Variants in SLC16A8 observed in about 807,000 individuals in gnomAD.
SLC16A8 encodes monocarboxylate transporter 3.
SLC16A8 carries 20 observed loss-of-function variants against 22.4 expected under a neutral mutation model. That is an observed-to-expected ratio of 0.89 (90% CI 0.63 to 1.30). The LOEUF is 1.30. Among genes scored for constraint, SLC16A8 ranks in the 50% most tolerant of loss-of-function variants. The pLI, the probability that SLC16A8 is intolerant of heterozygous loss-of-function variation, is 0.00. For synonymous variants in SLC16A8, 393 were observed against 358.8 expected (o/e 1.10, Z -1.08); for missense variants, 817 against 740.3 (o/e 1.10, Z -1.20).
At position 38,081,237 on chromosome 22, in the gene SLC16A8, G is replaced by A; in HGVS notation, c.801C>T (p.Leu267=). 6.3e-7 allele frequency: 1 copy of A among 1,582,542 alleles called. No individual in the cohort carries two copies. Among genetic ancestry groups the A allele is most frequent in the Non-Finnish European group, 8.6e-7 (1 of 1,165,086 alleles). Residue 267 remains leucine, a synonymous_variant, in exon 5 of 6, where the codon CTC becomes CTT. Transcript: ENST00000681075. Reference sequence around the variant, plus strand: ...TCACCAGCAGGATGGCGGGGACGAAGAGCCCGAGCGCCATCAGGAACTTGG... The same window carrying A: ...TCACCAGCAGGATGGCGGGGACGAAAAGCCCGAGCGCCATCAGGAACTTGG... ...AVTKFLMALG[L]FVPAILLVNY...
chr22:38,079,278 T>G (rs954812444), intron 5 of SLC16A8, among the ~76,000 whole-genome samples: 6 of 151,412 alleles, frequency 4.0e-5, no homozygotes, highest in Admixed American at 2.6e-4. Context: ...CAGGAAAGTC[T>G]CTCTTTTATT....
chr22:38,078,446 C>T lies in SLC16A8; in HGVS notation c.1457G>A (p.Gly486Asp), dbSNP rs565479077. 64 of 1,610,338 alleles carry T rather than the reference C, an allele frequency of 4.0e-5. No individual in the cohort carries two copies. In the African/African-American group the frequency reaches 7.0e-4, roughly 18 times the overall value. The change falls in exon 6 of 6, where the codon GGC (glycine) becomes GAC (aspartate). Residue 486 changes from glycine (G) to aspartate (D), a missense_variant. Transcript: ENST00000681075. ...LEALEVLSARGEPTEPEIEAR... is the reference protein window; with the variant it reads ...LEALEVLSARDEPTEPEIEAR... ...CTCTATTTCTGGTTCTGTGGGCTCGCCCCGGGCGCTGAGCACCTCCAGGGC... is the reference window on the plus strand; with the variant it reads ...CTCTATTTCTGGTTCTGTGGGCTCGTCCCGGGCGCTGAGCACCTCCAGGGC...
At position 38,082,048 on chromosome 22, in the gene SLC16A8, G is replaced by C. The variant is rs1438757753; in HGVS notation, c.215-16C>G. ...GACACGGGGCCTGTGGGCAGGGCAGGGTCACCACCCGGGTCCCGGGATGGC... is the reference window on the plus strand; with the variant it reads ...GACACGGGGCCTGTGGGCAGGGCAGCGTCACCACCCGGGTCCCGGGATGGC... On this transcript the variant is annotated splice_polypyrimidine_tract_variant and intron_variant, in intron 3 of 5. Coordinates refer to ENST00000681075, the MANE Select transcript of SLC16A8 (RefSeq NM_013356.3). The C allele has an allele frequency of 6.4e-7, 1 of 1,568,384 alleles. No homozygotes were observed. The highest frequency in any genetic ancestry group is 1.8e-5 in the Admixed American group (1 of 54,066).
chr22:38,081,022 C>G lies in SLC16A8; in HGVS notation c.1016G>C (p.Arg339Pro). 2 of 1,596,666 alleles carry G rather than the reference C, an allele frequency of 1.3e-6. No individual in the cohort carries two copies. Among genetic ancestry groups the G allele is most frequent in the Non-Finnish European group, 1.7e-6 (2 of 1,177,322 alleles). Reference sequence around the variant, plus strand: ...GACGAGGGCGCCGTAGGAGCGCGCGCGTGCGCTGCTCAGGTCTGTGAGCCC... The same window carrying G: ...GACGAGGGCGCCGTAGGAGCGCGCGGGTGCGCTGCTCAGGTCTGTGAGCCC... ...ANGLTDLSSA[R>P]ARSYGALVAF... Residue 339 changes from arginine to proline, a missense_variant, in exon 5 of 6, where the codon CGC becomes CCC. Physicochemically the swap from Arg to Pro is moderately radical, Grantham distance 103. Coordinates refer to ENST00000681075, the MANE Select transcript of SLC16A8 (RefSeq NM_013356.3).
intron 1 of SLC16A8, among the ~76,000 whole-genome samples, 196 bp from the exon 2 acceptor site, chr22:38,083,557 C>A (rs2085953953): frequency 6.6e-6 from 1 of 152,188 alleles, no homozygotes; most frequent in Non-Finnish European, 1.5e-5. Flanking sequence ...GGGAATCTTG[C>A]GGGAGAGGAG....
At chr22:38,083,537 G>A (rs769249838) in intron 1 of SLC16A8, among the ~76,000 whole-genome samples, 176 bp from the exon 2 acceptor site, 9 of 152,092 alleles carry the variant, frequency 5.9e-5, no homozygotes, top group Non-Finnish European at 1.2e-4. Flanking sequence ...TGATCACCCC[G>A]AGGCCAGCTG....
rs998560976 is a variant in SLC16A8, at chr22:38,083,226, C to T, written c.-193G>A. Reference sequence around the variant, plus strand: ...AGGTGGGCGTCCAGCACCAAAGTCGCCCCGTACGCGTGAGGGTCTCGGGAC... The same window carrying T: ...AGGTGGGCGTCCAGCACCAAAGTCGTCCCGTACGCGTGAGGGTCTCGGGAC... On this transcript the variant is annotated 5_prime_UTR_variant, in exon 2 of 6. Transcript: ENST00000681075. 7 of 307,284 alleles carry T rather than the reference C, an allele frequency of 2.3e-5. No individual in the cohort carries two copies. The highest frequency in any genetic ancestry group is 1.1e-4 in the African/African-American group (5 of 46,734). 19.0% of individuals were successfully genotyped at this position (307,284 alleles called of 1,614,324 possible). A position where few individuals can be genotyped will look rare whatever the true frequency, so the allele number is the denominator to read the frequency against.
At chr22:38,083,792 GCCTCCTGC>G (rs148261803) in intron 1 of SLC16A8, among the ~76,000 whole-genome samples, 188 bp downstream of exon 1, 2 of 89,624 alleles carry the variant, frequency 2.2e-5, no homozygotes, top group African/African-American at 1.0e-4. Context: ...GCTGGGGATA[GCCTCCTGC>G]CCTCCTGCCT....
chr22:38,080,134 C>G (rs2085894811), intron 5 of SLC16A8, among the ~76,000 whole-genome samples: 1 of 152,178 alleles, frequency 6.6e-6, no homozygotes, highest in Non-Finnish European at 1.5e-5. Flanking sequence ...CCAGGAAAAC[C>G]CTCATGTCCC....
rs1371993395 is a variant in SLC16A8, at chr22:38,081,490, A to T, written c.548T>A (p.Leu183His). Residue 183 changes from leucine to histidine, a missense_variant, in exon 5 of 6, where the codon CTC becomes CAC. Transcript: ENST00000681075. ...CCCGCAGGCGCAGCAGTGCAGCAGG[A>T]GCCCGCCGAGCAGCAGGAAGCCGCC... The part of the protein sequence containing the change: ...WRGGFLLLGG[L>H]LLHCCACGAV... 1.3e-5 allele frequency: 18 copies of T among 1,398,828 alleles called. No individual in the cohort carries two copies. Among genetic ancestry groups the T allele is most frequent in the Non-Finnish European group, 1.6e-5 (17 of 1,090,066 alleles). The allele number at this position is 1,398,828 out of a possible 1,614,324, so 86.7% of individuals were successfully genotyped here. A position where few individuals can be genotyped will look rare whatever the true frequency, so the allele number is the denominator to read the frequency against.
intron 1 of SLC16A8, among the ~76,000 whole-genome samples, 199 bp from the exon 2 acceptor site, chr22:38,083,560 G>C (rs563455246): frequency 6.7e-6 from 1 of 150,374 alleles, no homozygotes; most frequent in Admixed American, 6.6e-5. Flanking sequence ...AATCTTGCGG[G>C]AGAGGAGTCA....
chr22:38,078,179 T>C lies in SLC16A8; in HGVS notation c.*209A>G, dbSNP rs1305661291. ...TTATCACCAGTTTCCTGTTGCTCCA[T>C]AGCAGCTTCACTGGCGATGGGGCAG... On this transcript the variant is annotated 3_prime_UTR_variant, in exon 6 of 6. Transcript: ENST00000681075. 10 of 562,836 alleles carry C rather than the reference T, an allele frequency of 1.8e-5. No homozygotes were observed. In the Admixed American group the frequency reaches 2.5e-4, roughly 14 times the overall value. The allele number at this position is 562,836 out of a possible 1,614,324, so 34.9% of individuals were successfully genotyped here.
rs1382485712 is a variant in SLC16A8 at position 38,081,952 on chromosome 22, T to C, written c.295A>G (p.Met99Val). ...CGCGTGGCAAAGGAAGCTAGGATCA[T>C]GCCCGCGGAAGCCAGCAGCCCACCC... ...LAGGLLASAG[M>V]ILASFATRLL... The change falls in exon 4 of 6, where the codon ATG becomes GTG. Residue 99 changes from methionine to valine, a missense_variant. Met to Val is a conservative substitution (Grantham distance 21). Transcript: ENST00000681075. 1 of 1,566,552 alleles carries C rather than the reference T, an allele frequency of 6.4e-7. No individual in the cohort carries two copies. Among genetic ancestry groups the C allele is most frequent in the Non-Finnish European group, 8.7e-7 (1 of 1,155,790 alleles).
At position 38,078,464 on chromosome 22, in the gene SLC16A8, T is replaced by TC. The variant is rs765389705; in HGVS notation, c.1438dup (p.Glu480GlyfsTer37). ...GGGCTCGCCCCGGGCGCTGAGCACC[T>TC]CCAGGGCCTCCAGGTTGCCGGGTTC... On this transcript the variant is annotated frameshift_variant, in exon 6 of 6. Coordinates refer to ENST00000681075, the MANE Select transcript of SLC16A8 (RefSeq NM_013356.3). LOFTEE classifies it low-confidence loss of function (END_TRUNC). 4.3e-6 allele frequency: 7 copies of TC among 1,613,708 alleles called. 1 individual carries two copies. In the South Asian group the frequency reaches 7.7e-5, roughly 18 times the overall value.
At chr22:38,083,002 G>T in intron 2 of SLC16A8, 40 bp downstream of exon 2, 1 of 655,904 alleles carries the variant, frequency 1.5e-6, no homozygotes, top group Non-Finnish European at 2.6e-6. Flanking sequence ...GGTGGCTCAG[G>T]TCTGGGAACC....
intron 3 of SLC16A8, 106 bp downstream of exon 3, chr22:38,082,554 T>G (rs983866219): frequency 4.1e-6 from 4 of 970,132 alleles, no homozygotes; most frequent in Non-Finnish European, 5.9e-6. Flanking sequence ...GGAAGGGACT[T>G]CGGGGGCCAC....
Position 38,078,367 on chromosome 22 carries a change from C to A in SLC16A8, c.*21G>T. 1.3e-6 allele frequency: 2 copies of A among 1,573,684 alleles called. No individual in the cohort carries two copies. Among genetic ancestry groups the A allele is most frequent in the South Asian group, 1.1e-5 (1 of 88,480 alleles). On this transcript the variant is annotated 3_prime_UTR_variant, in exon 6 of 6. Transcript: ENST00000681075. ...GCTGTGTTCCCAAGTCACTGGGCCACCCCACCCAGAGCACCCTGAGTTATA... is the reference window on the plus strand; with the variant it reads ...GCTGTGTTCCCAAGTCACTGGGCCAACCCACCCAGAGCACCCTGAGTTATA...
In SLC16A8 at chr22:38,081,018, C is replaced by A; in HGVS notation, c.1020G>T (p.Ala340=). ...AGGCGACGAGGGCGCCGTAGGAGCG[C>A]GCGCGTGCGCTGCTCAGGTCTGTGA... ...NGLTDLSSAR[A]RSYGALVAFC... Residue 340 remains alanine, a synonymous_variant, in exon 5 of 6, where the codon GCG becomes GCT. Transcript: ENST00000681075. The A allele has an allele frequency of 1.3e-6, 2 of 1,597,152 alleles. No individual in the cohort carries two copies. Among genetic ancestry groups the A allele is most frequent in the Non-Finnish European group, 1.7e-6 (2 of 1,177,496 alleles).
rs950090590 is a variant in SLC16A8, at chr22:38,082,853, C to T, written c.21G>A (p.Arg7=). 6.4e-7 allele frequency: 1 copy of T among 1,551,170 alleles called. No homozygotes were observed. The highest frequency in any genetic ancestry group is 1.4e-5 in the African/African-American group (1 of 73,984). MGAGGP[R]RGEGPPDGGW... ...CGCCGTCTGGGGGGCCCTCGCCCCG[C>T]CGGGGGCCGCCAGCGCCCATCGCTG... The change falls in exon 3 of 6, where the codon CGG becomes CGA. Residue 7 remains arginine (R), a synonymous_variant. Transcript: ENST00000681075.
Sources: gnomAD v4.1 joint callset for allele counts (sites outside exome capture counted in the v4.1 genomes callset) on GRCh38, gnomAD v4.1.1 for gene constraint, MANE v1.5 for transcripts, NCBI Gene and HGNC (gene_info 2026-07-23, HGNC 2026-07-21) for gene names.